POU6F2: variants seen among roughly 807,000 people sequenced by gnomAD.
POU6F2 encodes POU domain, class 6, transcription factor 2.
POU6F2 carries 31 observed loss-of-function variants against 71.3 expected under a neutral mutation model. That is an observed-to-expected ratio of 0.43 (90% CI 0.33 to 0.59). The LOEUF is 0.59. Ranked by LOEUF, POU6F2 falls within the 20% of genes least tolerant of loss-of-function variation. The pLI is 0.04. For missense variants in POU6F2, 783 were observed against 856.8 expected, an observed-to-expected ratio of 0.91 and a Z score of 1.07; for synonymous variants, 347 against 355.7, an observed-to-expected ratio of 0.98 and a Z score of 0.27.
At chr7:39,060,728 G>A (rs1217123291) in intron 1 of POU6F2, among the ~76,000 whole-genome samples, 2 of 152,128 alleles carry the variant, frequency 1.3e-5, no homozygotes, top group African/African-American at 4.8e-5. Flanking sequence ...TGCACAAATA[G>A]AATGATGGTT....
chr7:38,991,832 T>C (rs1229148306), intron 1 of POU6F2, among the ~76,000 whole-genome samples: 1 of 145,454 alleles, frequency 6.9e-6, no homozygotes, highest in Admixed American at 6.8e-5. Flanking sequence ...TTTCTTTTCC[T>C]TTCACTTCTC....
chr7:39,120,422 C>T (rs539393379), intron 2 of POU6F2, among the ~76,000 whole-genome samples: 1 of 152,274 alleles, frequency 6.6e-6, no homozygotes, highest in South Asian at 2.1e-4. Flanking sequence ...AAAAGTCATA[C>T]CTTTAATTAA....
intron 1 of POU6F2, among the ~76,000 whole-genome samples, chr7:39,028,167 C>T (rs1372675989): frequency 6.6e-6 from 1 of 151,868 alleles, no homozygotes; most frequent in Admixed American, 6.6e-5. Context: ...GTCATATTTT[C>T]TATTGTTTTT....
At chr7:39,010,148 G>T (rs1310587858) in intron 1 of POU6F2, among the ~76,000 whole-genome samples, 96 of 114,072 alleles carry the variant, frequency 8.4e-4, no homozygotes, top group African/African-American at 3.0e-3. Flanking sequence ...GAATCCATCT[G>T]GTCCTGGACT....
rs528726876 is a variant in POU6F2 at position 39,162,659 on chromosome 7, C to T, written c.278-41576C>T. 3.9e-5 allele frequency among the ~76,000 whole-genome samples: 6 copies of T among 152,244 alleles called. No individual in the cohort carries two copies. The South Asian group carries it at 8.3e-4, about 21-fold the overall frequency. On this transcript the variant is annotated intron_variant, in intron 2 of 9. Transcript: ENST00000518318. Reference sequence around the variant, plus strand: ...ACTTCACCAGGGTGCTCATAAGTAACGTGCCAAACTATAGTTCTGTGGACA... The same window carrying T: ...ACTTCACCAGGGTGCTCATAAGTAATGTGCCAAACTATAGTTCTGTGGACA...
At chr7:39,121,455 C>A (rs1282378409) in intron 2 of POU6F2, among the ~76,000 whole-genome samples, 1 of 152,208 alleles carries the variant, frequency 6.6e-6, no homozygotes, top group African/African-American at 2.4e-5. Context: ...TTAAGAATGG[C>A]AGTTTAGGAA....
chr7:39,095,441 A>G (rs1364615096), intron 2 of POU6F2, among the ~76,000 whole-genome samples: 1 of 152,210 alleles, frequency 6.6e-6, no homozygotes, highest in African/African-American at 2.4e-5. Context: ...CTGCCTGCTT[A>G]CAAAAAAAGA....
intron 2 of POU6F2, among the ~76,000 whole-genome samples, chr7:39,149,896 T>C (rs191183724): frequency 0.038 from 5,779 of 151,798 alleles, 187 homozygotes; most frequent in Non-Finnish European, 0.059. Context: ...TTTTTTTTTT[T>C]TTTTCTTGAG....
chr7:39,055,373 A>C (rs193273053), intron 1 of POU6F2, among the ~76,000 whole-genome samples: 28 of 152,320 alleles, frequency 1.8e-4, no homozygotes, highest in Non-Finnish European at 3.2e-4. Flanking sequence ...AAGATAGCTC[A>C]TCATTGTATT....
intron 4 of POU6F2, among the ~76,000 whole-genome samples, chr7:39,302,330 G>T (rs994943979): frequency 6.6e-6 from 1 of 152,174 alleles, no homozygotes; most frequent in African/African-American, 2.4e-5. Flanking sequence ...AAAATGCACT[G>T]TTGGGGGGTG....
At chr7:39,445,429 T>C (rs1399615095) in intron 7 of POU6F2, among the ~76,000 whole-genome samples, 1 of 152,208 alleles carries the variant, frequency 6.6e-6, no homozygotes, top group Non-Finnish European at 1.5e-5. Flanking sequence ...CAAGTTCGGC[T>C]GATGCAGTTC....
intron 2 of POU6F2, among the ~76,000 whole-genome samples, chr7:39,186,020 C>T (rs1327793119): frequency 2.6e-5 from 4 of 152,062 alleles, no homozygotes; most frequent in Admixed American, 2.6e-4. Flanking sequence ...AAGGGATTCT[C>T]CCACCTCAGC....
At chr7:39,314,786 C>A (rs142679847) in intron 4 of POU6F2, among the ~76,000 whole-genome samples, 1 of 151,826 alleles carries the variant, frequency 6.6e-6, no homozygotes, top group South Asian at 2.1e-4. Context: ...AGATCTAAAG[C>A]GCTGAATAAA....
chr7:39,318,297 T>C (rs1193395617), intron 4 of POU6F2, among the ~76,000 whole-genome samples: 2 of 152,104 alleles, frequency 1.3e-5, no homozygotes, highest in African/African-American at 4.8e-5. Flanking sequence ...GAAGCTTGTT[T>C]AAAGGCTGCC....
chr7:39,336,557 G>T lies in POU6F2; in HGVS notation c.599-3085G>T, dbSNP rs144475245. 4.5e-3 allele frequency among the ~76,000 whole-genome samples: 684 copies of T among 152,310 alleles called. 3 individuals carry two copies. The highest frequency in any genetic ancestry group is 0.016 in the African/African-American group (664 of 41,570). On this transcript the variant is annotated intron_variant, in intron 4 of 9. Coordinates refer to ENST00000518318, the MANE Select transcript of POU6F2 (RefSeq NM_001370959.1). ...GCATTACCACAAGGCTTCTTTCCAG[G>T]ATTCCTGGTCACTTTCAGTGATAAG... is the stretch of plus-strand genomic sequence containing the variant.
intron 4 of POU6F2, among the ~76,000 whole-genome samples, chr7:39,233,313 A>T (rs1397387207): frequency 6.6e-6 from 1 of 152,208 alleles, no homozygotes; most frequent in Non-Finnish European, 1.5e-5. Flanking sequence ...AAAAAAAAAA[A>T]AAAATTCTGC....
chr7:39,089,187 A>C (rs1791314700), intron 2 of POU6F2, among the ~76,000 whole-genome samples: 1 of 152,254 alleles, frequency 6.6e-6, no homozygotes, highest in Non-Finnish European at 1.5e-5. Context: ...AAGTACACTT[A>C]GGAGAGATGA....
chr7:38,986,124 T>C (rs1161101678), intron 1 of POU6F2, among the ~76,000 whole-genome samples: 1 of 152,152 alleles, frequency 6.6e-6, no homozygotes, highest in Non-Finnish European at 1.5e-5. Context: ...TCTAAAAATA[T>C]TTTGTCTCTG....
chr7:39,356,190 C>T (rs1786252292), intron 5 of POU6F2, among the ~76,000 whole-genome samples: 1 of 152,220 alleles, frequency 6.6e-6, no homozygotes, highest in Admixed American at 6.5e-5. Flanking sequence ...TTTATATCAC[C>T]TCCATGCTCA....
Sources: allele counts gnomAD v4.1 joint callset (sites outside exome capture counted in the v4.1 genomes callset), GRCh38; gene constraint gnomAD v4.1.1; transcripts MANE v1.5; gene names NCBI Gene and HGNC (gene_info 2026-07-23, HGNC 2026-07-21).